The following NTM variants were observed in gnomAD, a reference collection of about 807,000 sequenced individuals.
NTM encodes neurotrimin, also known as IgLON family member 2.
In NTM, 13 loss-of-function variants were observed where a neutral mutation model predicts 42.1. That is an observed-to-expected ratio of 0.31 (90% confidence interval 0.20 to 0.49). The LOEUF (loss-of-function observed/expected upper bound fraction) is 0.49. NTM is among the 20% of genes least tolerant of loss of function. NTM has a pLI of 0.99. For missense variants in NTM, 373 were observed against 452.8 expected, an observed-to-expected ratio of 0.82 and a Z score of 1.60; for synonymous variants, 187 against 179.2, an observed-to-expected ratio of 1.04 and a Z score of -0.35.
chr11:131,796,320 G>A, intron 1 of NTM: 1 of 266,940 alleles, frequency 3.7e-6, no homozygotes, highest in Non-Finnish European at 5.8e-6. Context: ...CACGCAGGAG[G>A]CAGGAGGGTC....
intron 2 of NTM, among the ~76,000 whole-genome samples, chr11:131,943,719 C>G (rs1426610487): frequency 6.6e-6 from 1 of 151,644 alleles, no homozygotes; most frequent in African/African-American, 2.4e-5. Context: ...TTTTTTTTGT[C>G]TCTCTCTGTA....
chr11:131,745,304 C>G (rs377374732), intron 1 of NTM, among the ~76,000 whole-genome samples: 1 of 152,156 alleles, frequency 6.6e-6, no homozygotes, highest in Non-Finnish European at 1.5e-5. Flanking sequence ...GGAGGCTGAG[C>G]CGGGACAGGT....
At chr11:131,946,349 T>C (rs1300788449) in intron 2 of NTM, among the ~76,000 whole-genome samples, 1 of 152,202 alleles carries the variant, frequency 6.6e-6, no homozygotes, top group Non-Finnish European at 1.5e-5. Flanking sequence ...TCAGACACCT[T>C]CTGGTACCCT....
intron 1 of NTM, among the ~76,000 whole-genome samples, chr11:131,710,982 T>G (rs1412339627): frequency 6.6e-6 from 1 of 152,152 alleles, no homozygotes; most frequent in Non-Finnish European, 1.5e-5. Flanking sequence ...CTCCAAGGCC[T>G]CCTTTTTACC....
chr11:132,203,039 T>C (rs1156797603), intron 3 of NTM, among the ~76,000 whole-genome samples: 1 of 152,238 alleles, frequency 6.6e-6, no homozygotes, highest in Non-Finnish European at 1.5e-5. Context: ...GAATTCTGAT[T>C]GACTGTAATC....
intron 2 of NTM, among the ~76,000 whole-genome samples, chr11:132,114,115 C>T (rs116581807): frequency 1.7e-4 from 26 of 152,120 alleles, no homozygotes; most frequent in Admixed American, 8.5e-4. Context: ...TATTTCTATT[C>T]GGATGCAAGC....
At chr11:131,572,481 C>T (rs1448362) in intron 1 of NTM, among the ~76,000 whole-genome samples, 4,285 of 152,284 alleles carry the variant, frequency 0.028, 200 homozygotes, top group African/African-American at 0.097. Flanking sequence ...ATCCCTGCTT[C>T]CTTCCCTTTG....
chr11:132,024,235 T>C (rs2074837970), intron 2 of NTM, among the ~76,000 whole-genome samples: 1 of 152,162 alleles, frequency 6.6e-6, no homozygotes, highest in South Asian at 2.1e-4. Flanking sequence ...AGGCTGTGCC[T>C]TTACCGTCAG....
chr11:131,668,724 A>C (rs1402505381), intron 1 of NTM, among the ~76,000 whole-genome samples: 1 of 152,214 alleles, frequency 6.6e-6, no homozygotes, highest in Non-Finnish European at 1.5e-5. Flanking sequence ...AATAAGAAGG[A>C]GCAGGAAGTG....
chr11:132,193,057 G>T (rs2079568063), intron 3 of NTM, among the ~76,000 whole-genome samples: 1 of 152,130 alleles, frequency 6.6e-6, no homozygotes, highest in African/African-American at 2.4e-5. Context: ...AATAGTGGGA[G>T]ACTGCAACAC....
intron 3 of NTM, among the ~76,000 whole-genome samples, chr11:132,199,637 C>G (rs2080849088): frequency 6.6e-6 from 1 of 151,964 alleles, no homozygotes; most frequent in Admixed American, 6.6e-5. Context: ...TCACTGACAT[C>G]CTGATGGGCC....
chr11:131,467,517 C>A lies in NTM; in HGVS notation c.82+96629C>A, dbSNP rs1004357743. 5.3e-5 allele frequency among the ~76,000 whole-genome samples: 8 copies of A among 152,156 alleles called. 1 individual carries two copies. Among genetic ancestry groups the A allele is most frequent in the Non-Finnish European group, 1.2e-4 (8 of 68,026 alleles). Reference sequence around the variant, plus strand: ...GGAGAGCTGGCCATGATGAAAGCTACCCCAGACATTCTGGTAGTGATTCTT... The same window carrying A: ...GGAGAGCTGGCCATGATGAAAGCTAACCCAGACATTCTGGTAGTGATTCTT... On this transcript the variant is annotated intron_variant, in intron 1 of 8. Coordinates refer to ENST00000683400, the MANE Select transcript of NTM (RefSeq NM_001352005.2).
intron 2 of NTM, among the ~76,000 whole-genome samples, chr11:131,968,271 T>C (rs2063089531): frequency 1.3e-5 from 2 of 152,080 alleles, no homozygotes; most frequent in Non-Finnish European, 2.9e-5. Flanking sequence ...TCAAACCAAT[T>C]TGTGAGCGGA....
intron 1 of NTM, among the ~76,000 whole-genome samples, chr11:131,410,517 CAAAAAAAA>C (rs1161389222): frequency 2.2e-3 from 71 of 32,764 alleles, no homozygotes; most frequent in Admixed American, 5.6e-3. Flanking sequence ...AAACAATAAC[CAAAAAAAA>C]AAAAAAAAAA....
At chr11:131,906,821 T>G (rs934150025) in intron 1 of NTM, among the ~76,000 whole-genome samples, 7 of 152,184 alleles carry the variant, frequency 4.6e-5, no homozygotes, top group Non-Finnish European at 1.0e-4. Context: ...TTTCTCTCCC[T>G]GGAGCCCTCT....
chr11:131,544,567 C>A (rs778333507), intron 1 of NTM, among the ~76,000 whole-genome samples: 4 of 151,866 alleles, frequency 2.6e-5, no homozygotes, highest in Non-Finnish European at 4.4e-5. Context: ...TTTCTGTGAC[C>A]CTGAAGGCAA....
chr11:131,597,685 G>T (rs1002110961), intron 1 of NTM, among the ~76,000 whole-genome samples: 3 of 152,192 alleles, frequency 2.0e-5, no homozygotes, highest in African/African-American at 7.2e-5. Context: ...CTTTTCAGGT[G>T]CCCCAGAGTG....
rs1555263244 is a variant in NTM, at chr11:132,104,935, A to ACG, written c.168-41347_168-41346insCG. 8.4e-3 allele frequency among the ~76,000 whole-genome samples: 169 copies of ACG among 20,006 alleles called. 5 individuals carry two copies. The highest frequency in any genetic ancestry group is 0.029 in the African/African-American group (154 of 5,258). The allele number at this position is 20,006 out of a possible 152,430, so 13.1% of individuals were successfully genotyped here. Reference sequence around the variant, plus strand: ...CCTCTCTCTCTCTCCATATATACATATGTATATATATATATATATATATAT... The same window carrying ACG: ...CCTCTCTCTCTCTCCATATATACATACGTGTATATATATATATATATATATAT... On this transcript the variant is annotated intron_variant, in intron 2 of 8. Coordinates refer to ENST00000683400, the MANE Select transcript of NTM (RefSeq NM_001352005.2).
chr11:131,691,558 G>GC (rs11434770), intron 1 of NTM, among the ~76,000 whole-genome samples: 4,711 of 143,122 alleles, frequency 0.033, 220 homozygotes, highest in African/African-American at 0.12. Context: ...TTCCCTGAAA[G>GC]CCCCCCCCCG....
Sources: gnomAD v4.1 joint callset for allele counts (sites outside exome capture counted in the v4.1 genomes callset) on GRCh38, gnomAD v4.1.1 for gene constraint, MANE v1.5 for transcripts, NCBI Gene and HGNC (gene_info 2026-07-23, HGNC 2026-07-21) for gene names.